Variants in DMD observed in about 807,000 individuals in gnomAD.
The protein encoded by DMD is mutant dystrophin.
Under a neutral mutation model 330.1 loss-of-function variants are expected in DMD, and 63 were observed. The observed-to-expected ratio is 0.19, with a 90% CI of 0.16 to 0.24. The LOEUF (loss-of-function observed/expected upper bound fraction) is 0.24. Among genes scored for constraint, DMD ranks in the 10% least tolerant of loss-of-function variants. The pLI, the probability that DMD is intolerant of heterozygous loss-of-function variation, is 1.00. For synonymous variants in DMD, 1,223 were observed against 959.8 expected (o/e 1.27, Z -5.07); for missense variants, 3,344 against 2,684.1 (o/e 1.25, Z -5.43).
At chrX:33,053,353 TGGGAGGCTGAGGC>T (rs1433301612) in intron 1 of DMD, among the ~76,000 whole-genome samples, 1 of 111,041 alleles carries the variant, frequency 9.0e-6, no homozygotes, top group African/African-American at 3.3e-5. Context: ...CCCATAACTT[TGGGAGGCTGAGGC>T]GGGCGGATCA....
rs905439033 is a variant in DMD, at chrX:32,471,552, T to C, written c.2949+612A>G. 8.0e-5 allele frequency among the ~76,000 whole-genome samples: 9 copies of C among 112,203 alleles called. No homozygotes were observed. The East Asian group carries it at 2.2e-3, about 28-fold the overall frequency. On this transcript the variant is annotated intron_variant, in intron 22 of 78. Coordinates refer to ENST00000357033, the MANE Select transcript of DMD (RefSeq NM_004006.3). ...AAAATAACTACATCTGTACTAAACA[T>C]GTAAGACTTTTTCATTGTCACTACT...
chrX:32,865,033 G>A (rs2082371148), intron 2 of DMD, among the ~76,000 whole-genome samples: 2 of 111,376 alleles, frequency 1.8e-5, no homozygotes, highest in Non-Finnish European at 3.8e-5. Flanking sequence ...GTATCTGGAA[G>A]CAAATAGGCC....
intron 30 of DMD, among the ~76,000 whole-genome samples, chrX:32,406,620 A>T (rs1357372642): frequency 9.0e-6 from 1 of 111,284 alleles, no homozygotes. Flanking sequence ...GTCATGGTGC[A>T]TAAGCTTTTT....
At chrX:31,967,786 T>C (rs2095365079) in intron 45 of DMD, among the ~76,000 whole-genome samples, 1 of 111,813 alleles carries the variant, frequency 8.9e-6, no homozygotes, top group Non-Finnish European at 1.9e-5. Context: ...CAAGGGAAAT[T>C]TAAATGATGA....
At chrX:32,647,946 C>T (rs1487762096) in intron 9 of DMD, among the ~76,000 whole-genome samples, 1 of 111,851 alleles carries the variant, frequency 8.9e-6, no homozygotes, top group Non-Finnish European at 1.9e-5. Flanking sequence ...CTTAACCTAG[C>T]TCGTATTTAA....
chrX:33,144,489 C>T (rs1449142126), intron 1 of DMD, among the ~76,000 whole-genome samples: 1 of 111,773 alleles, frequency 8.9e-6, no homozygotes, highest in African/African-American at 3.2e-5. Flanking sequence ...TTCCAATTAT[C>T]CTGATTTGAT....
chrX:32,252,802 AT>A (rs1385557268), intron 43 of DMD, among the ~76,000 whole-genome samples: 1 of 70,974 alleles, frequency 1.4e-5, no homozygotes. Flanking sequence ...AAATATATAT[AT>A]AAATATATAT....
chrX:32,782,089 T>A (rs1170731162), intron 7 of DMD, among the ~76,000 whole-genome samples: 1 of 111,842 alleles, frequency 8.9e-6, no homozygotes, highest in Non-Finnish European at 1.9e-5. Flanking sequence ...AAACCAATTT[T>A]GAATACAATC....
intron 7 of DMD, among the ~76,000 whole-genome samples, chrX:32,706,140 A>T: frequency 9.9e-6 from 1 of 100,823 alleles, no homozygotes; most frequent in Non-Finnish European, 2.0e-5. Flanking sequence ...AAAACCAAAC[A>T]CTGCATGTTC....
At chrX:31,161,710 G>T (rs2148092428) in intron 74 of DMD, among the ~76,000 whole-genome samples, 1 of 111,351 alleles carries the variant, frequency 9.0e-6, no homozygotes, top group Non-Finnish European at 1.9e-5. Context: ...ATCTTTTAAT[G>T]GACTATTCCA....
intron 45 of DMD, among the ~76,000 whole-genome samples, chrX:31,939,806 G>A (rs2094969831): frequency 8.9e-6 from 1 of 111,793 alleles, no homozygotes; most frequent in Non-Finnish European, 1.9e-5. Flanking sequence ...GAGTACACAG[G>A]AGGAGTACTC....
intron 1 of DMD, among the ~76,000 whole-genome samples, chrX:33,193,936 T>G (rs1370718615): frequency 3.6e-5 from 4 of 110,738 alleles, no homozygotes; most frequent in Non-Finnish European, 5.7e-5. Flanking sequence ...TTCAAAACTC[T>G]ATGAGAATAT....
rs775949235 is a variant in DMD at position 31,317,509 on chromosome X, A to AT, written c.9224+6088dup. On this transcript the variant is annotated intron_variant, in intron 62 of 78. Transcript: ENST00000357033. ...GGTGTCTGGAATAAGAAATGAGGAA[A>AT]TTTTTTTTTTTTTTTTTTTTTGAGG... Among the ~76,000 whole-genome samples the AT allele has an allele frequency of 6.2e-3, 525 of 84,885 alleles. 2 individuals carry two copies. Among genetic ancestry groups the AT allele is most frequent in the East Asian group, 0.016 (49 of 3,017 alleles). The allele number at this position is 84,885 out of a possible 115,157, so 73.7% of individuals were successfully genotyped here. A position where few individuals can be genotyped will look rare whatever the true frequency, so the allele number is the denominator to read the frequency against.
intron 43 of DMD, among the ~76,000 whole-genome samples, chrX:32,254,335 C>G (rs1056766496): frequency 8.9e-6 from 1 of 112,386 alleles, no homozygotes; most frequent in Non-Finnish European, 1.9e-5. Flanking sequence ...AGCCACCACA[C>G]CTGGCCTATT....
rs187599591 is a variant in DMD at position 31,514,352 on chromosome X, G to A, written c.8218-6899C>T. ...AGACAAGCAATATGTTCACAGTATA[G>A]CAGTTTTAGGAGTAGGGGAGATCCT... On this transcript the variant is annotated intron_variant, in intron 55 of 78. Coordinates refer to ENST00000357033, the MANE Select transcript of DMD (RefSeq NM_004006.3). 2.7e-5 allele frequency among the ~76,000 whole-genome samples: 3 copies of A among 111,595 alleles called. No individual in the cohort carries two copies. The East Asian group carries it at 8.4e-4, about 31-fold the overall frequency.
chrX:31,538,361 T>C (rs1569550259), intron 55 of DMD, among the ~76,000 whole-genome samples: 1 of 112,412 alleles, frequency 8.9e-6, no homozygotes, highest in Non-Finnish European at 1.9e-5. Context: ...ATGTTCAACC[T>C]GTAGTAGTTA....
chrX:33,277,056 C>A (rs1264483595), intron 1 of DMD, among the ~76,000 whole-genome samples: 1 of 111,486 alleles, frequency 9.0e-6, no homozygotes, highest in Non-Finnish European at 1.9e-5. Context: ...GTAAGCACAA[C>A]ACAAGTGGTA....
intron 2 of DMD, among the ~76,000 whole-genome samples, chrX:32,958,286 G>A (rs944032184): frequency 9.0e-6 from 1 of 111,382 alleles, no homozygotes; most frequent in East Asian, 2.8e-4. Flanking sequence ...AAAAAGCAAA[G>A]GGCAAGAATA....
intron 4 of DMD, among the ~76,000 whole-genome samples, chrX:32,827,056 A>ACCCCCCCC (rs1174768674): frequency 1.7e-5 from 1 of 59,903 alleles, no homozygotes; most frequent in African/African-American, 8.0e-5. Context: ...CACACATCGC[A>ACCCCCCCC]CCCCCCCCCC....
Sources: gnomAD v4.1 joint callset for allele counts (sites outside exome capture counted in the v4.1 genomes callset) on GRCh38, gnomAD v4.1.1 for gene constraint, MANE v1.5 for transcripts, NCBI Gene and HGNC (gene_info 2026-07-23, HGNC 2026-07-21) for gene names.